Variants in NEK7 observed in about 807,000 individuals in gnomAD.
NEK7 encodes the protein NIMA related kinase 7, also known as serine/threonine-protein kinase Nek7.
A neutral mutation model predicts 44.6 loss-of-function variants in NEK7; 18 were observed. The observed-to-expected ratio is 0.40, with a 90% CI of 0.28 to 0.60. NEK7 has a LOEUF of 0.60. NEK7 is among the 20% of genes least tolerant of loss of function. The probability of loss-of-function intolerance (pLI) is 0.38; values close to 1 mark genes in which losing one functional copy is unlikely to be tolerated. For synonymous variants in NEK7, 130 were observed against 121.1 expected (o/e 1.07, Z -0.48); for missense variants, 256 against 366.5 (o/e 0.70, Z 2.46).
At chr1:198,249,661 GT>G (rs1319972512) in intron 2 of NEK7, among the ~76,000 whole-genome samples, 1 of 151,244 alleles carries the variant, frequency 6.6e-6, no homozygotes, top group Non-Finnish European at 1.5e-5. Flanking sequence ...TTTTTCATGT[GT>G]TTTTTGGCTG....
intron 2 of NEK7, among the ~76,000 whole-genome samples, chr1:198,239,740 A>G (rs1048104095): frequency 1.3e-5 from 2 of 152,056 alleles, no homozygotes; most frequent in African/African-American, 2.4e-5. Context: ...TTTTCCACTA[A>G]ATATTGATTA....
At chr1:198,299,089 A>ATT (rs1654798309) in intron 9 of NEK7, among the ~76,000 whole-genome samples, 1 of 152,252 alleles carries the variant, frequency 6.6e-6, no homozygotes, top group Admixed American at 6.5e-5. Context: ...GCTGTAAAGC[A>ATT]AAACACATTA....
intron 5 of NEK7, among the ~76,000 whole-genome samples, chr1:198,266,790 G>A (rs903571308): frequency 1.3e-5 from 2 of 151,850 alleles, no homozygotes; most frequent in Admixed American, 6.6e-5. Context: ...CCATCCATCT[G>A]TGCCTGTATG....
chr1:198,200,686 G>A (rs563770934), intron 1 of NEK7, among the ~76,000 whole-genome samples: 5 of 152,044 alleles, frequency 3.3e-5, no homozygotes, highest in Non-Finnish European at 7.4e-5. Context: ...GAGTAGCTGG[G>A]ACTACAGGCA....
At chr1:198,250,883 G>T (rs1398477482) in intron 2 of NEK7, among the ~76,000 whole-genome samples, 1 of 151,786 alleles carries the variant, frequency 6.6e-6, no homozygotes, top group African/African-American at 2.4e-5. Context: ...TCCTTCTCCT[G>T]CCTAATTGCC....
chr1:198,214,638 A>G (rs34865461), intron 1 of NEK7, among the ~76,000 whole-genome samples: 22,466 of 152,194 alleles, frequency 0.15, 2,188 homozygotes, highest in South Asian at 0.26. Context: ...ATAAAGGACA[A>G]AGAATCAAAA....
At chr1:198,229,905 T>C (rs2102866640) in intron 1 of NEK7, among the ~76,000 whole-genome samples, 1 of 152,322 alleles carries the variant, frequency 6.6e-6, no homozygotes, top group South Asian at 2.1e-4. Flanking sequence ...GCTTAGACAT[T>C]GTCACGTATC....
intron 1 of NEK7, among the ~76,000 whole-genome samples, chr1:198,187,371 C>T (rs1445250302): frequency 1.3e-5 from 2 of 152,096 alleles, no homozygotes; most frequent in African/African-American, 4.8e-5. Flanking sequence ...GATTAATGAA[C>T]CACCCCTGGG....
intron 2 of NEK7, among the ~76,000 whole-genome samples, chr1:198,241,233 T>C (rs967957360): frequency 2.6e-5 from 4 of 152,256 alleles, no homozygotes; most frequent in Non-Finnish European, 5.9e-5. Context: ...TATGTGAATA[T>C]TACGATCTTG....
intron 2 of NEK7, among the ~76,000 whole-genome samples, chr1:198,236,651 G>A (rs538221297): frequency 2.6e-5 from 4 of 152,128 alleles, no homozygotes; most frequent in South Asian, 2.1e-4. Flanking sequence ...GACTCCTACC[G>A]TAGTTATCCT....
At chr1:198,248,707 A>G (rs1386276452) in intron 2 of NEK7, among the ~76,000 whole-genome samples, 4 of 152,166 alleles carry the variant, frequency 2.6e-5, no homozygotes, top group Non-Finnish European at 5.9e-5. Context: ...AGTTTGGACT[A>G]AATGATTATG....
At position 198,298,900 on chromosome 1, in the gene NEK7, G is replaced by C. The variant is rs557344538; in HGVS notation, c.798+1660G>C. Among the ~76,000 whole-genome samples, 52 of 152,338 alleles carry C rather than the reference G, an allele frequency of 3.4e-4. 1 individual carries two copies. The highest frequency in any genetic ancestry group is 3.4e-3 in the Middle Eastern group (1 of 294). On this transcript the variant is annotated intron_variant, in intron 9 of 9. Coordinates refer to ENST00000367385, the MANE Select transcript of NEK7 (RefSeq NM_133494.3). ...TTAATGATGATACCACTAGTGGTTC[G>C]TTGAAGTCGGCCTGCCTGCAGGGCT...
chr1:198,321,326 TCA>T lies in NEK7; in HGVS notation c.*1808_*1809del, dbSNP rs1468021243. ...CTGAGGGCTAGATGCATTTTTTTTCTCACACTCTTAATGACTTTTAACATTTA... is the reference window on the plus strand; with the variant it reads ...CTGAGGGCTAGATGCATTTTTTTTCTCACTCTTAATGACTTTTAACATTTA... On this transcript the variant is annotated 3_prime_UTR_variant, in exon 10 of 10. Transcript: ENST00000367385. The T allele has an allele frequency of 1.3e-5, 2 of 152,322 alleles. No homozygotes were observed. The highest frequency in any genetic ancestry group is 2.1e-4 in the South Asian group (1 of 4,832). The allele number at this position is 152,322 out of a possible 1,614,324, so 9.4% of individuals were successfully genotyped here. A position where few individuals can be genotyped will look rare whatever the true frequency, so the allele number is the denominator to read the frequency against.
intron 5 of NEK7, among the ~76,000 whole-genome samples, chr1:198,265,262 C>G (rs979966164): frequency 6.6e-6 from 1 of 152,102 alleles, no homozygotes; most frequent in Non-Finnish European, 1.5e-5. Flanking sequence ...AAAAGAAAGT[C>G]TTCATTCAGC....
chr1:198,244,709 G>C (rs148243429), intron 2 of NEK7, among the ~76,000 whole-genome samples: 13 of 152,112 alleles, frequency 8.5e-5, no homozygotes, highest in Non-Finnish European at 1.5e-4. Context: ...GATAATTATA[G>C]TCATGCCCTT....
At chr1:198,231,299 GTGTATATATATATA>G (rs1305370102) in intron 1 of NEK7, among the ~76,000 whole-genome samples, 38 of 98,252 alleles carry the variant, frequency 3.9e-4, no homozygotes, top group East Asian at 3.6e-3. Context: ...GTATGTGTGT[GTGTATATATATATA>G]TATATATATA....
chr1:198,255,862 A>G (rs1486727325), intron 3 of NEK7, among the ~76,000 whole-genome samples: 2 of 152,168 alleles, frequency 1.3e-5, no homozygotes, highest in Non-Finnish European at 2.9e-5. Context: ...ATATATTTGC[A>G]TTTTAGACAT....
chr1:198,158,954 G>A lies in NEK7; in HGVS notation c.-29+1678G>A, dbSNP rs140021977. ...AGTCAAAGGGGCAGTAACTGTATGGGGTGAGAGGAAGGCCTGCGAAATAAA... is the reference window on the plus strand; with the variant it reads ...AGTCAAAGGGGCAGTAACTGTATGGAGTGAGAGGAAGGCCTGCGAAATAAA... On this transcript the variant is annotated intron_variant, in intron 1 of 9. Transcript: ENST00000367385. 9.4e-3 allele frequency among the ~76,000 whole-genome samples: 1,431 copies of A among 152,222 alleles called. 10 individuals carry two copies. Among genetic ancestry groups the A allele is most frequent in the Middle Eastern group, 0.024 (7 of 294 alleles).
intron 9 of NEK7, among the ~76,000 whole-genome samples, chr1:198,314,787 C>T (rs554208045): frequency 1.8e-4 from 28 of 152,280 alleles, no homozygotes; most frequent in East Asian, 3.9e-4. Flanking sequence ...GCAGTCTGCC[C>T]GTTCTCAGAT....
Sources: allele counts gnomAD v4.1 joint callset (sites outside exome capture counted in the v4.1 genomes callset), GRCh38; gene constraint gnomAD v4.1.1; transcripts MANE v1.5; gene names NCBI Gene and HGNC (gene_info 2026-07-23, HGNC 2026-07-21).